The following ABHD10 variants were observed in gnomAD, a reference collection of about 807,000 sequenced individuals.
ABHD10 encodes the protein palmitoyl-protein thioesterase ABHD10, mitochondrial.
Under a neutral mutation model 33.1 loss-of-function variants are expected in ABHD10, and 22 were observed. The ratio of observed to expected loss-of-function variants is 0.66; its 90% CI spans 0.47 to 0.95. The LOEUF is 0.95. ABHD10 is among the 40% of genes least tolerant of loss of function. ABHD10 has a pLI of 0.00. For synonymous variants in ABHD10, 146 were observed against 133.9 expected (o/e 1.09, Z -0.62); for missense variants, 352 against 379.9 (o/e 0.93, Z 0.61).
chr3:111,986,195 A>G lies in ABHD10; in HGVS notation c.327-69A>G, dbSNP rs539953189. The G allele has an allele frequency of 3.8e-5, 32 of 836,052 alleles. No individual in the cohort carries two copies. In the African/African-American group the frequency reaches 5.4e-4, roughly 14 times the overall value. The allele number at this position is 836,052 out of a possible 1,614,324, so 51.8% of individuals were successfully genotyped here. On this transcript the variant is annotated intron_variant, in intron 2 of 4. Transcript: ENST00000273359. ...GCATTATAGTAATGAGGAAGGTGCT[A>G]TCTTTCTTAAAAATTAAAGAAGCAG...
chr3:111,983,376 A>G (rs1408939489), intron 2 of ABHD10, among the ~76,000 whole-genome samples: 2 of 152,176 alleles, frequency 1.3e-5, no homozygotes, highest in African/African-American at 4.8e-5. Context: ...TACCAGTTCT[A>G]AAATTTCAGC....
At chr3:111,986,662 C>T (rs1446541680) in intron 3 of ABHD10, among the ~76,000 whole-genome samples, 1 of 152,240 alleles carries the variant, frequency 6.6e-6, no homozygotes, top group Non-Finnish European at 1.5e-5. Flanking sequence ...GTCTCGATCT[C>T]CTGACCTCGT....
chr3:111,981,097 A>T (rs1427105026), intron 1 of ABHD10, among the ~76,000 whole-genome samples: 2 of 152,052 alleles, frequency 1.3e-5, no homozygotes, highest in Admixed American at 1.3e-4. Flanking sequence ...TGAGCCTGGG[A>T]GTTTGAGACC....
rs773960781 is a variant in ABHD10, at chr3:111,991,379, A to T, written c.579A>T (p.Leu193=). 1 of 1,590,974 alleles carries T rather than the reference A, an allele frequency of 6.3e-7. No individual in the cohort carries two copies. The highest frequency in any genetic ancestry group is 1.9e-5 in the Admixed American group (1 of 52,184). The part of the protein sequence containing the change: ...VTKFNQLPVE[L]KKEVEMKGVW... ...ATTTTTCTTTCTTTTTCCAATAGCT[A>T]AAAAAGGAAGTAGAGATGAAAGGTG... The change falls in exon 5 of 5, where the codon CTA becomes CTT. Residue 193 remains leucine, a splice_region_variant and synonymous_variant. Transcript: ENST00000273359.
rs760097239 is a variant in ABHD10, at chr3:111,986,315, A to G, written c.378A>G (p.Thr126=). Residue 126 remains threonine, a synonymous_variant, in exon 3 of 5, where the codon ACA becomes ACG. Transcript: ENST00000273359. ...CAGATGGTAACTCAGAGGAAAGCAC[A>G]CTGGGGAAATGGAGAAAAGATGTTC... ...GSSDGNSEES[T]LGKWRKDVLS... The G allele has an allele frequency of 6.2e-6, 10 of 1,614,116 alleles. No individual in the cohort carries two copies. In the Admixed American group the frequency reaches 1.3e-4, roughly 22 times the overall value.
At position 111,986,295 on chromosome 3, in the gene ABHD10, G is replaced by A. The variant is rs201066888; in HGVS notation, c.358G>A (p.Gly120Ser). The change falls in exon 3 of 5, where the codon GGT becomes AGT. Residue 120 changes from glycine (G) to serine (S), a missense_variant. Gly to Ser is a moderately conservative substitution (Grantham distance 56, BLOSUM62 0). Coordinates refer to ENST00000273359, the MANE Select transcript of ABHD10 (RefSeq NM_018394.4). Reference protein sequence around the residue: ...FDYSGVGSSDGNSEESTLGKW... With the variant: ...FDYSGVGSSDSNSEESTLGKW... ...TTACTCAGGAGTTGGAAGTTCAGAT[G>A]GTAACTCAGAGGAAAGCACACTGGG... 51 of 1,613,750 alleles carry A rather than the reference G, an allele frequency of 3.2e-5. No homozygotes were observed. In the East Asian group the frequency reaches 1.0e-3, roughly 32 times the overall value.
At chr3:111,989,267 AC>A (rs2072712193) in intron 4 of ABHD10, among the ~76,000 whole-genome samples, 1 of 152,200 alleles carries the variant, frequency 6.6e-6, no homozygotes. Context: ...TTCTTTGGAC[AC>A]TAGAGGGCCT....
intron 4 of ABHD10, among the ~76,000 whole-genome samples, chr3:111,989,213 A>G (rs1160625800): frequency 1.3e-5 from 2 of 152,222 alleles, no homozygotes; most frequent in African/African-American, 2.4e-5. Context: ...TTTCTTCTCT[A>G]AGAACTTGAC....
intron 4 of ABHD10, chr3:111,990,799 T>G: frequency 9.4e-7 from 1 of 1,059,782 alleles, no homozygotes; most frequent in Non-Finnish European, 1.3e-6. Flanking sequence ...TTTTTATTCT[T>G]AGTTCTGTGT....
Position 111,981,982 on chromosome 3 carries a change from T to C in ABHD10, c.326+15T>C. The C allele has an allele frequency of 6.8e-7, 1 of 1,470,250 alleles. No homozygotes were observed. 91.1% of individuals were successfully genotyped at this position (1,470,250 alleles called of 1,614,324 possible). On this transcript the variant is annotated intron_variant, in intron 2 of 4. Transcript: ENST00000273359. Reference sequence around the variant, plus strand: ...GCCTGCATAAGGTAGGAACAACACATTACTGAGAAAATATTGCTACTGTTA... The same window carrying C: ...GCCTGCATAAGGTAGGAACAACACACTACTGAGAAAATATTGCTACTGTTA...
chr3:111,988,478 A>T (rs2072699793), intron 4 of ABHD10, among the ~76,000 whole-genome samples: 1 of 152,074 alleles, frequency 6.6e-6, no homozygotes, highest in Non-Finnish European at 1.5e-5. Flanking sequence ...TTGGGTAGGA[A>T]ATTATCTCAA....
intron 4 of ABHD10, among the ~76,000 whole-genome samples, chr3:111,990,046 C>A (rs1343432522): frequency 6.6e-6 from 1 of 151,824 alleles, no homozygotes; most frequent in Non-Finnish European, 1.5e-5. Context: ...GATGTCCATT[C>A]CATTTTTCTA....
chr3:111,981,487 G>A (rs1014605169), intron 1 of ABHD10, among the ~76,000 whole-genome samples: 1 of 146,326 alleles, frequency 6.8e-6, no homozygotes, highest in Non-Finnish European at 1.5e-5. Context: ...ACAAGAAAAT[G>A]TTTTTCGATT....
In ABHD10 at chr3:111,988,101, T is replaced by A. The variant is rs879352899; in HGVS notation, c.576+1050T>A. Among the ~76,000 whole-genome samples, 14 of 151,854 alleles carry A rather than the reference T, an allele frequency of 9.2e-5. No homozygotes were observed. In the East Asian group the frequency reaches 2.7e-3, roughly 29 times the overall value. On this transcript the variant is annotated intron_variant, in intron 4 of 4. Transcript: ENST00000273359. ...GGAAGAGGAGAAGGAGGTTCAGAAATTTAAAAAAAAAGAAGAAAAAACGTA... is the reference window on the plus strand; with the variant it reads ...GGAAGAGGAGAAGGAGGTTCAGAAAATTAAAAAAAAAGAAGAAAAAACGTA...
intron 4 of ABHD10, 85 bp downstream of exon 4, chr3:111,987,136 C>A: frequency 6.7e-7 from 1 of 1,492,318 alleles, no homozygotes; most frequent in Non-Finnish European, 9.1e-7. Flanking sequence ...GAAGGGGGGA[C>A]AGAAAACAAT....
chr3:111,990,256 C>T (rs2072723511), intron 4 of ABHD10, among the ~76,000 whole-genome samples: 1 of 151,946 alleles, frequency 6.6e-6, no homozygotes, highest in South Asian at 2.1e-4. Context: ...TGCTGTGCAG[C>T]ATTTAAAACC....
At chr3:111,982,584 A>G (rs1246343787) in intron 2 of ABHD10, among the ~76,000 whole-genome samples, 2 of 152,182 alleles carry the variant, frequency 1.3e-5, no homozygotes, top group Admixed American at 1.3e-4. Context: ...ATGATTTCGT[A>G]AAAAGAAGAT....
rs545967698 is a variant in ABHD10, at chr3:111,992,432, G to A, written c.*711G>A. On this transcript the variant is annotated 3_prime_UTR_variant, in exon 5 of 5. Coordinates refer to ENST00000273359, the MANE Select transcript of ABHD10 (RefSeq NM_018394.4). ...TATTCTGATTGGTAAAATTAAAGAG[G>A]AAATTAATCTTTATATATTATTTCT... 626 of 151,492 alleles carry A rather than the reference G, an allele frequency of 4.1e-3. 1 individual carries two copies. The highest frequency in any genetic ancestry group is 0.015 in the African/African-American group (606 of 41,368). 9.4% of individuals were successfully genotyped at this position (151,492 alleles called of 1,614,324 possible).
chr3:111,980,599 C>A (rs1463960542), intron 1 of ABHD10, among the ~76,000 whole-genome samples: 1 of 152,016 alleles, frequency 6.6e-6, no homozygotes, highest in Non-Finnish European at 1.5e-5. Context: ...CTACTTGTTT[C>A]TTAAGAGCAA....
Sources: gnomAD v4.1 joint callset for allele counts (sites outside exome capture counted in the v4.1 genomes callset) on GRCh38, gnomAD v4.1.1 for gene constraint, MANE v1.5 for transcripts, NCBI Gene and HGNC (gene_info 2026-07-23, HGNC 2026-07-21) for gene names.